CRTAC1: variants seen among roughly 807,000 people sequenced by gnomAD.
CRTAC1 encodes the protein acidic secreted protein in cartilage.
A neutral mutation model predicts 67.8 loss-of-function variants in CRTAC1; 37 were observed. The ratio of observed to expected loss-of-function variants is 0.55; its 90% CI spans 0.42 to 0.72. The LOEUF (loss-of-function observed/expected upper bound fraction) is 0.72, where lower values mean the gene tolerates loss of function less well. Ranked by LOEUF, CRTAC1 falls within the 30% of genes least tolerant of loss-of-function variation. The pLI is 0.00. For missense variants in CRTAC1, 780 were observed against 931.6 expected, an observed-to-expected ratio of 0.84 and a Z score of 2.12; for synonymous variants, 348 against 371.0, an observed-to-expected ratio of 0.94 and a Z score of 0.71.
Position 98,011,222 on chromosome 10 carries a change from T to C in CRTAC1, c.140A>G (p.Tyr47Cys). The C allele has an allele frequency of 6.2e-7, 1 of 1,614,182 alleles. No individual in the cohort carries two copies. Among genetic ancestry groups the C allele is most frequent in the East Asian group, 2.2e-5 (1 of 44,888 alleles). ...GTTGAGCTGGGTGGGATTACTGTCATAGTCAGGAGGCAGAACTGAGTTGGT... is the reference window on the plus strand; with the variant it reads ...GTTGAGCTGGGTGGGATTACTGTCACAGTCAGGAGGCAGAACTGAGTTGGT... ...AVTNSVLPPD[Y>C]DSNPTQLNYG... Residue 47 changes from tyrosine to cysteine, a missense_variant, in exon 2 of 15, where the codon TAT becomes TGT. Coordinates refer to ENST00000370597, the MANE Select transcript of CRTAC1 (RefSeq NM_018058.7).
chr10:98,010,665 C>G (rs541267073), intron 2 of CRTAC1, among the ~76,000 whole-genome samples: 4 of 152,178 alleles, frequency 2.6e-5, no homozygotes, highest in Non-Finnish European at 4.4e-5. Flanking sequence ...ATCTTCCCCC[C>G]TCTTTGAAAC....
At chr10:97,995,118 TTCATGTTTCTTTGC>T (rs1842535856) in intron 2 of CRTAC1, among the ~76,000 whole-genome samples, 1 of 152,152 alleles carries the variant, frequency 6.6e-6, no homozygotes, top group Non-Finnish European at 1.5e-5. Context: ...ATGTGCACAG[TTCATGTTTCTTTGC>T]TTGGCATAGC....
At chr10:97,948,767 G>A (rs1055556698) in intron 2 of CRTAC1, among the ~76,000 whole-genome samples, 3 of 152,198 alleles carry the variant, frequency 2.0e-5, no homozygotes, top group South Asian at 2.1e-4. Context: ...GGTAATTTAC[G>A]AAGGAAAGAG....
intron 1 of CRTAC1, among the ~76,000 whole-genome samples, chr10:98,024,545 C>A (rs149619268): frequency 6.4e-4 from 97 of 152,190 alleles, no homozygotes; most frequent in African/African-American, 2.1e-3. Context: ...CTATCAGTTT[C>A]TCCTCTGGAT....
chr10:97,865,409 A>T lies in CRTAC1; in HGVS notation c.*139T>A. 1 of 1,025,514 alleles carries T rather than the reference A, an allele frequency of 9.8e-7. No individual in the cohort carries two copies. Among genetic ancestry groups the T allele is most frequent in the Non-Finnish European group, 1.4e-6 (1 of 725,778 alleles). 63.5% of individuals were successfully genotyped at this position (1,025,514 alleles called of 1,614,324 possible). On this transcript the variant is annotated 3_prime_UTR_variant, in exon 15 of 15. Coordinates refer to ENST00000370597, the MANE Select transcript of CRTAC1 (RefSeq NM_018058.7). Reference sequence around the variant, plus strand: ...GGCCTTACGAGTCTCCCTAATTGTTAGCTAAGTAATGTGCATGGATGGGCT... The same window carrying T: ...GGCCTTACGAGTCTCCCTAATTGTTTGCTAAGTAATGTGCATGGATGGGCT...
At chr10:97,998,721 T>A (rs951458435) in intron 2 of CRTAC1, among the ~76,000 whole-genome samples, 23 of 152,232 alleles carry the variant, frequency 1.5e-4, no homozygotes, top group African/African-American at 5.5e-4. Context: ...AAAAAAAATG[T>A]AAAAACATTG....
At chr10:98,025,414 C>T (rs1317125796) in intron 1 of CRTAC1, among the ~76,000 whole-genome samples, 4 of 152,042 alleles carry the variant, frequency 2.6e-5, no homozygotes, top group Non-Finnish European at 5.9e-5. Flanking sequence ...ACAAAATAAC[C>T]CCTCTAGTCA....
At chr10:97,874,621 C>T (rs1323164284) in intron 14 of CRTAC1, among the ~76,000 whole-genome samples, 1 of 152,174 alleles carries the variant, frequency 6.6e-6, no homozygotes, top group Non-Finnish European at 1.5e-5. Context: ...GGGGCTCCAT[C>T]CTGAACGTGG....
Position 97,965,904 on chromosome 10 carries a change from T to C in CRTAC1, c.225-29538A>G, listed in dbSNP as rs940775609. On this transcript the variant is annotated intron_variant, in intron 2 of 14. Transcript: ENST00000370597. ...TGAAAGCAGGATTCAGAGGTTCTGATGGAGGTGGAGATACCTGACTTGGAA... is the reference window on the plus strand; with the variant it reads ...TGAAAGCAGGATTCAGAGGTTCTGACGGAGGTGGAGATACCTGACTTGGAA... Among the ~76,000 whole-genome samples, 4 of 152,178 alleles carry C rather than the reference T, an allele frequency of 2.6e-5. No homozygotes were observed. In the South Asian group the frequency reaches 8.3e-4, roughly 32 times the overall value.
intron 1 of CRTAC1, among the ~76,000 whole-genome samples, chr10:98,011,785 G>A (rs1842914144): frequency 6.6e-6 from 1 of 152,196 alleles, no homozygotes; most frequent in African/African-American, 2.4e-5. Context: ...AGGAAGGAAA[G>A]GAGGGAGGAA....
chr10:97,965,184 C>T (rs1421854998), intron 2 of CRTAC1, among the ~76,000 whole-genome samples: 4 of 152,240 alleles, frequency 2.6e-5, no homozygotes, highest in African/African-American at 9.6e-5. Flanking sequence ...AGGTCCTCTT[C>T]TTGGACAGTC....
intron 14 of CRTAC1, among the ~76,000 whole-genome samples, chr10:97,876,601 C>T (rs1310862266): frequency 2.6e-5 from 4 of 152,212 alleles, no homozygotes; most frequent in South Asian, 2.1e-4. Context: ...TAATCCCTTC[C>T]GGGTCCATTT....
chr10:98,018,796 A>C (rs1843057155), intron 1 of CRTAC1, among the ~76,000 whole-genome samples: 1 of 150,676 alleles, frequency 6.6e-6, no homozygotes, highest in South Asian at 2.1e-4. Context: ...TGAGACATGA[A>C]GGAGAGAGGC....
rs182508356 is a variant in CRTAC1, at chr10:97,887,367, C to T, written c.1487-3016G>A. On this transcript the variant is annotated intron_variant, in intron 11 of 14. Transcript: ENST00000370597. ...AGCAATTTTTCTGCCTAAAGCTTTC[C>T]CGAGTAGCTGGGATTACAGGCACCT... 1.7e-3 allele frequency among the ~76,000 whole-genome samples: 260 copies of T among 152,048 alleles called. 1 individual carries two copies. The highest frequency in any genetic ancestry group is 6.1e-3 in the African/African-American group (253 of 41,448).
At chr10:97,937,160 C>A (rs1278299621) in intron 2 of CRTAC1, among the ~76,000 whole-genome samples, 5 of 152,354 alleles carry the variant, frequency 3.3e-5, no homozygotes, top group South Asian at 4.1e-4. Context: ...CTCTGTCTCA[C>A]TCTCCTGCGC....
At chr10:97,871,102 G>A (rs1302511518) in intron 14 of CRTAC1, 2 of 152,154 alleles carry the variant, frequency 1.3e-5, no homozygotes, top group Admixed American at 6.5e-5. Context: ...GAGCCTTCTC[G>A]GGCGACTTCT....
chr10:97,986,512 G>A (rs2051986196), intron 2 of CRTAC1, among the ~76,000 whole-genome samples: 2 of 152,154 alleles, frequency 1.3e-5, no homozygotes, highest in Admixed American at 1.3e-4. Flanking sequence ...GATTGCGAGT[G>A]TTTTATTTTG....
intron 6 of CRTAC1, among the ~76,000 whole-genome samples, chr10:97,906,302 C>T (rs1358776916): frequency 6.6e-6 from 1 of 152,202 alleles, no homozygotes; most frequent in East Asian, 1.9e-4. Context: ...TGTCGGTGGC[C>T]TTCTGCGTTG....
intron 1 of CRTAC1, among the ~76,000 whole-genome samples, chr10:98,025,515 C>T (rs1244089057): frequency 6.6e-6 from 1 of 152,214 alleles, no homozygotes; most frequent in Non-Finnish European, 1.5e-5. Context: ...CCCTTTCACA[C>T]CTTTCTGCAC....
Sources: gnomAD v4.1 joint callset for allele counts (sites outside exome capture counted in the v4.1 genomes callset) on GRCh38, gnomAD v4.1.1 for gene constraint, MANE v1.5 for transcripts, NCBI Gene and HGNC (gene_info 2026-07-23, HGNC 2026-07-21) for gene names.